The following PLEKHG4B variants were observed in gnomAD, a reference collection of about 807,000 sequenced individuals.
PLEKHG4B encodes pleckstrin homology and RhoGEF domain containing G4B.
PLEKHG4B carries 111 observed loss-of-function variants against 121.3 expected under a neutral mutation model. That is an observed-to-expected ratio of 0.92 (90% CI 0.78 to 1.07). PLEKHG4B has a LOEUF of 1.07. Ranked by LOEUF, PLEKHG4B falls within the 50% of genes least tolerant of loss-of-function variation. The pLI, the probability that PLEKHG4B is intolerant of heterozygous loss-of-function variation, is 0.00. For missense variants in PLEKHG4B, 1,831 were observed against 1,757.8 expected (o/e 1.04, Z -0.74); for synonymous variants, 738 against 725.0 (o/e 1.02, Z -0.29).
At chr5:141,860 C>A (rs556739978) in intron 3 of PLEKHG4B, among the ~76,000 whole-genome samples, 2 of 152,184 alleles carry the variant, frequency 1.3e-5, no homozygotes, top group Admixed American at 6.5e-5. Context: ...GCTGAGCCCT[C>A]CTTTCCGTGG....
At chr5:146,375 C>T (rs1735415098) in intron 6 of PLEKHG4B, among the ~76,000 whole-genome samples, 1 of 142,410 alleles carries the variant, frequency 7.0e-6, no homozygotes, top group Admixed American at 7.0e-5. Flanking sequence ...CACAGTGGTT[C>T]CTCCTCTCTC....
chr5:92,826 C>T (rs888926126), intron 1 of PLEKHG4B, among the ~76,000 whole-genome samples: 2 of 151,678 alleles, frequency 1.3e-5, no homozygotes, highest in Admixed American at 1.3e-4. Flanking sequence ...CTGTGGTGGC[C>T]CGGAACAAAG....
intron 1 of PLEKHG4B, among the ~76,000 whole-genome samples, chr5:94,025 G>T (rs1395345695): frequency 6.6e-6 from 1 of 152,170 alleles, no homozygotes; most frequent in Non-Finnish European, 1.5e-5. Context: ...GCCATCTAGA[G>T]CCTCCTAACT....
rs542358199 is a variant in PLEKHG4B, at chr5:140,822, C to T, written c.1477+106C>T. 916 of 885,936 alleles carry T rather than the reference C, an allele frequency of 1.0e-3. 1 individual carries two copies. Among genetic ancestry groups the T allele is most frequent in the Non-Finnish European group, 1.2e-3 (758 of 626,696 alleles). The allele number at this position is 885,936 out of a possible 1,614,324, so 54.9% of individuals were successfully genotyped here. A position where few individuals can be genotyped will look rare whatever the true frequency, so the allele number is the denominator to read the frequency against. On this transcript the variant is annotated intron_variant, in intron 3 of 19. Coordinates refer to ENST00000637938, the MANE Select transcript of PLEKHG4B (RefSeq NM_052909.5). ...CCCCTTCCCTACAAACCCCCACAAC[C>T]TCCCCCTGCACACCACCACAACCTC...
intron 2 of PLEKHG4B, among the ~76,000 whole-genome samples, chr5:122,437 T>G (rs1384925474): frequency 6.7e-6 from 1 of 149,280 alleles, no homozygotes; most frequent in Non-Finnish European, 1.5e-5. Context: ...TTATTTATTT[T>G]TAGATGGAGT....
rs577598219 is a variant in PLEKHG4B, at chr5:137,256, G to T, written c.244-2227G>T. On this transcript the variant is annotated intron_variant, in intron 2 of 19. Coordinates refer to ENST00000637938, the MANE Select transcript of PLEKHG4B (RefSeq NM_052909.5). This position sits in a 1 kb window ranked among gnomAD's most constrained non-coding sequence, Gnocchi z 4.2. ...AATGGTGGGTGCCAGGGGCTCAGGG[G>T]CAGGGGAATGGTGAGCTGGTGTTTA... Among the ~76,000 whole-genome samples the T allele has an allele frequency of 6.6e-6, 1 of 152,320 alleles. No individual in the cohort carries two copies. The highest frequency in any genetic ancestry group is 2.4e-5 in the African/African-American group (1 of 41,582).
chr5:132,619 G>A (rs1309515073), intron 2 of PLEKHG4B, among the ~76,000 whole-genome samples: 2 of 152,108 alleles, frequency 1.3e-5, no homozygotes, highest in Middle Eastern at 3.2e-3. Context: ...GTGGCTAGCC[G>A]ATTATCCCAG....
intron 2 of PLEKHG4B, among the ~76,000 whole-genome samples, chr5:130,557 GT>G (rs1734750140): frequency 6.6e-6 from 1 of 152,180 alleles, no homozygotes; most frequent in African/African-American, 2.4e-5. Context: ...ATCAAAACCT[GT>G]TAATTGTCTC....
In PLEKHG4B at chr5:139,650, C is replaced by T. The variant is rs1054455072; in HGVS notation, c.411C>T (p.Cys137=). 5 of 398,772 alleles carry T rather than the reference C, an allele frequency of 1.3e-5. No homozygotes were observed. The Admixed American group carries it at 2.2e-4, about 18-fold the overall frequency. 24.7% of individuals were successfully genotyped at this position (398,772 alleles called of 1,614,324 possible). The change falls in exon 3 of 20, where the codon TGC becomes TGT. Residue 137 remains cysteine, a synonymous_variant. Transcript: ENST00000637938. This position sits in a 1 kb window ranked among gnomAD's most constrained non-coding sequence, Gnocchi z 5.0. ...AGTCAGCTAGACTGGTCTTGAAATG[C>T]CTGTCCCGGCTGGGAAGAGGCACAG... ...GKQSARLVLK[C]LSRLGRGTEE...
chr5:157,095 C>A lies in PLEKHG4B; in HGVS notation c.2487+184C>A. The stretch of plus-strand genomic sequence containing the variant: ...AAAAAGAAATAAATTTTATTTTTTA[C>A]GTGAGAGATACTGGATCAGTGGAGA... On this transcript the variant is annotated intron_variant, in intron 11 of 19. Coordinates refer to ENST00000637938, the MANE Select transcript of PLEKHG4B (RefSeq NM_052909.5). The surrounding 1 kb of genome is among the most constrained non-coding windows in gnomAD (Gnocchi z 4.6). 1 of 921,350 alleles carries A rather than the reference C, an allele frequency of 1.1e-6. No homozygotes were observed. Among genetic ancestry groups the A allele is most frequent in the Non-Finnish European group, 1.6e-6 (1 of 610,868 alleles). 57.1% of individuals were successfully genotyped at this position (921,350 alleles called of 1,614,324 possible). A position where few individuals can be genotyped will look rare whatever the true frequency, so the allele number is the denominator to read the frequency against.
chr5:153,294 G>A (rs932238571), intron 7 of PLEKHG4B, among the ~76,000 whole-genome samples: 1 of 152,088 alleles, frequency 6.6e-6, no homozygotes, highest in African/African-American at 2.4e-5. Context: ...TCTGCTGATT[G>A]TCTTTCCCTG....
chr5:172,858 A>G (rs1736610245), intron 16 of PLEKHG4B, 39 bp from the exon 17 acceptor site: 4 of 1,611,504 alleles, frequency 2.5e-6, no homozygotes, highest in Non-Finnish European at 2.5e-6. Flanking sequence ...CAGACGCCGG[A>G]TTTTCTTGGA....
At chr5:118,902 G>A (rs1441604290) in intron 2 of PLEKHG4B, among the ~76,000 whole-genome samples, 2 of 150,892 alleles carry the variant, frequency 1.3e-5, no homozygotes, top group East Asian at 3.9e-4. Context: ...CCAGGCTGGA[G>A]TGCAGTGGTG....
At chr5:99,583 TG>T (rs200222611) in intron 1 of PLEKHG4B, among the ~76,000 whole-genome samples, 2,299 of 152,256 alleles carry the variant, frequency 0.015, 82 homozygotes, top group African/African-American at 0.052. Context: ...TTTTGTGTGT[TG>T]TTCTTGTACC....
chr5:169,741 C>G, intron 14 of PLEKHG4B, 149 bp downstream of exon 14: 2 of 1,230,604 alleles, frequency 1.6e-6, no homozygotes, highest in Non-Finnish European at 2.2e-6. Context: ...TTAAGACCAG[C>G]CGAAAAACAG....
At chr5:158,334 T>A in intron 11 of PLEKHG4B, among the ~76,000 whole-genome samples, 1 of 131,802 alleles carries the variant, frequency 7.6e-6, no homozygotes, top group Non-Finnish European at 1.6e-5. Flanking sequence ...CTGCCCATCC[T>A]GGGGGTCTCC....
rs34972342 is a variant in PLEKHG4B, at chr5:109,397, C to CAAAAAAAAAAAA, written c.46-3841_46-3830dup. Among the ~76,000 whole-genome samples, 100 of 61,820 alleles carry CAAAAAAAAAAAA rather than the reference C, an allele frequency of 1.6e-3. 3 individuals are homozygous for CAAAAAAAAAAAA. Among genetic ancestry groups the CAAAAAAAAAAAA allele is most frequent in the African/African-American group, 7.6e-3 (98 of 12,980 alleles). The allele number at this position is 61,820 out of a possible 152,430, so 40.6% of individuals were successfully genotyped here. ...GGGTGACAGGGCAAGACTCTGTCTC[C>CAAAAAAAAAAAA]AAAAAAAAAAAAAAAAAAAAAAAAT... On this transcript the variant is annotated intron_variant, in intron 1 of 19. Coordinates refer to ENST00000637938, the MANE Select transcript of PLEKHG4B (RefSeq NM_052909.5).
chr5:146,554 C>T (rs1378570294), intron 6 of PLEKHG4B, among the ~76,000 whole-genome samples: 1 of 142,906 alleles, frequency 7.0e-6, no homozygotes, highest in Non-Finnish European at 1.5e-5. Context: ...TAAAGTCCTC[C>T]CTCCTCTTTC....
At chr5:163,631 T>C in intron 13 of PLEKHG4B, 83 bp downstream of exon 13, 1 of 1,163,946 alleles carries the variant, frequency 8.6e-7, no homozygotes, top group Non-Finnish European at 1.2e-6. Context: ...TAAACTCTCT[T>C]CTGCAAAGTA....
Sources: allele counts gnomAD v4.1 joint callset (sites outside exome capture counted in the v4.1 genomes callset), GRCh38; gene constraint gnomAD v4.1.1; non-coding constraint Gnocchi (gnomAD v3.1); transcripts MANE v1.5; gene names NCBI Gene and HGNC (gene_info 2026-07-23, HGNC 2026-07-21).